Variants in HS2ST1 observed in about 807,000 individuals in gnomAD.
HS2ST1 encodes heparan sulfate 2-O-sulfotransferase 1.
A neutral mutation model predicts 42.9 loss-of-function variants in HS2ST1; 18 were observed. The ratio of observed to expected loss-of-function variants is 0.42; its 90% CI spans 0.29 to 0.62. The LOEUF (loss-of-function observed/expected upper bound fraction) is 0.62. Among genes scored for constraint, HS2ST1 ranks in the 20% least tolerant of loss-of-function variants. HS2ST1 has a pLI of 0.21. For synonymous variants in HS2ST1, 146 were observed against 152.9 expected, an observed-to-expected ratio of 0.95 and a Z score of 0.33; for missense variants, 334 against 433.8, an observed-to-expected ratio of 0.77 and a Z score of 2.04.
Position 86,964,602 on chromosome 1 carries a change from C to T in HS2ST1, c.124+49442C>T, listed in dbSNP as rs1181179988. 5.9e-5 allele frequency among the ~76,000 whole-genome samples: 9 copies of T among 152,324 alleles called. No individual in the cohort carries two copies. The East Asian group carries it at 1.4e-3, about 23-fold the overall frequency. ...AGATGGCAGCAGTACAGTCCAGCTT[C>T]GGCTCGGCATCAGAGGGAGACCTTG... On this transcript the variant is annotated intron_variant, in intron 1 of 6. Coordinates refer to ENST00000370550, the MANE Select transcript of HS2ST1 (RefSeq NM_012262.4).
In HS2ST1 at chr1:87,071,899, T is replaced by C. The variant is rs141411939; in HGVS notation, c.125-1035T>C. The stretch of plus-strand genomic sequence containing the variant: ...GTTAAGAGAGTACGTGCTATATGTG[T>C]AACTATCCCCGTGCAAAGTATTTGC... On this transcript the variant is annotated intron_variant, in intron 1 of 6. Coordinates refer to ENST00000370550, the MANE Select transcript of HS2ST1 (RefSeq NM_012262.4). Among the ~76,000 whole-genome samples the C allele has an allele frequency of 2.9e-3, 436 of 152,254 alleles. 1 individual carries two copies. Among genetic ancestry groups the C allele is most frequent in the African/African-American group, 9.9e-3 (411 of 41,536 alleles).
At chr1:87,087,737 GTAGATACTT>G (rs552562939) in intron 3 of HS2ST1, among the ~76,000 whole-genome samples, 2 of 152,068 alleles carry the variant, frequency 1.3e-5, no homozygotes, top group Non-Finnish European at 2.9e-5. Flanking sequence ...TCACAACATT[GTAGATACTT>G]TAGAAAATTA....
intron 1 of HS2ST1, among the ~76,000 whole-genome samples, chr1:86,934,229 G>C (rs1660598718): frequency 6.6e-6 from 1 of 152,200 alleles, no homozygotes; most frequent in African/African-American, 2.4e-5. Flanking sequence ...GGAGGCTACT[G>C]TAGTTTCTTT....
intron 1 of HS2ST1, among the ~76,000 whole-genome samples, chr1:87,031,979 C>T (rs1177830061): frequency 3.9e-5 from 6 of 152,122 alleles, no homozygotes. Flanking sequence ...GTGCACCATT[C>T]TTTCTTTATT....
intron 1 of HS2ST1, among the ~76,000 whole-genome samples, chr1:86,986,373 C>A (rs1203385755): frequency 6.6e-6 from 1 of 152,050 alleles, no homozygotes; most frequent in Non-Finnish European, 1.5e-5. Flanking sequence ...GAAAATTGTT[C>A]TATCGAAACG....
At chr1:86,937,011 A>C (rs997418485) in intron 1 of HS2ST1, among the ~76,000 whole-genome samples, 1 of 151,772 alleles carries the variant, frequency 6.6e-6, no homozygotes, top group African/African-American at 2.4e-5. Context: ...AGGCTGAGGC[A>C]GGACAATCGC....
intron 1 of HS2ST1, among the ~76,000 whole-genome samples, chr1:86,991,943 G>A (rs548509344): frequency 5.3e-5 from 8 of 152,256 alleles, no homozygotes; most frequent in African/African-American, 1.7e-4. Flanking sequence ...CCAGCGCCAC[G>A]GACTGGTACT....
At chr1:86,953,314 T>G in intron 1 of HS2ST1, among the ~76,000 whole-genome samples, 1 of 152,240 alleles carries the variant, frequency 6.6e-6, no homozygotes, top group East Asian at 1.9e-4. Flanking sequence ...ATTTCAGCGA[T>G]AAGGCAGTTT....
At chr1:86,990,633 T>C (rs1411905327) in intron 1 of HS2ST1, among the ~76,000 whole-genome samples, 1 of 151,280 alleles carries the variant, frequency 6.6e-6, no homozygotes, top group Admixed American at 6.6e-5. Context: ...CAGATAATTA[T>C]TGGATCCTGT....
intron 1 of HS2ST1, among the ~76,000 whole-genome samples, chr1:86,938,674 A>AT (rs1214863495): frequency 1.2e-4 from 18 of 152,210 alleles, no homozygotes; most frequent in Non-Finnish European, 1.8e-4. Flanking sequence ...GTGTTCAGAG[A>AT]TTTTTTCTGT....
intron 1 of HS2ST1, chr1:87,044,849 G>C: frequency 2.3e-6 from 2 of 861,740 alleles, no homozygotes; most frequent in Non-Finnish European, 3.5e-6. Context: ...TTTCCCCTTT[G>C]GAACAAAGGA....
rs1223160810 is a variant in HS2ST1 at position 87,044,835 on chromosome 1, A to AT, written c.125-28093dup. On this transcript the variant is annotated intron_variant, in intron 1 of 6. Transcript: ENST00000370550. ...AATCATTTTCAAGTCACTGGTGTCC[A>AT]TTTTTTCCCCTTTGGAACAAAGGAC... 4 of 747,696 alleles carry AT rather than the reference A, an allele frequency of 5.3e-6. No homozygotes were observed. In the East Asian group the frequency reaches 8.5e-5, roughly 16 times the overall value. 46.3% of individuals were successfully genotyped at this position (747,696 alleles called of 1,614,324 possible).
At chr1:87,052,362 A>G (rs1286465740) in intron 1 of HS2ST1, among the ~76,000 whole-genome samples, 1 of 152,220 alleles carries the variant, frequency 6.6e-6, no homozygotes, top group Non-Finnish European at 1.5e-5. Context: ...TTGTAGTTTA[A>G]TCAGAATTTC....
At chr1:87,099,408 A>G (rs1652147872) in intron 5 of HS2ST1, among the ~76,000 whole-genome samples, 1 of 152,184 alleles carries the variant, frequency 6.6e-6, no homozygotes, top group African/African-American at 2.4e-5. Flanking sequence ...GGGTGGGGGT[A>G]TGGTTCCCAG....
intron 1 of HS2ST1, chr1:87,046,482 C>A: frequency 8.7e-7 from 1 of 1,155,156 alleles, no homozygotes; most frequent in Non-Finnish European, 1.3e-6. Flanking sequence ...AAGGAATGGG[C>A]TAAATCAACT....
chr1:87,029,533 G>A (rs753385428), intron 1 of HS2ST1, among the ~76,000 whole-genome samples: 125 of 152,150 alleles, frequency 8.2e-4, no homozygotes, highest in Non-Finnish European at 1.2e-3. Context: ...AGACAAAATT[G>A]TACAAAATAT....
chr1:87,011,812 G>T (rs1649604685), intron 1 of HS2ST1, among the ~76,000 whole-genome samples: 1 of 152,122 alleles, frequency 6.6e-6, no homozygotes, highest in South Asian at 2.1e-4. Context: ...GACAGATTTA[G>T]GTCTAAGATA....
At chr1:86,983,726 G>A (rs1156239472) in intron 1 of HS2ST1, among the ~76,000 whole-genome samples, 3 of 150,142 alleles carry the variant, frequency 2.0e-5, no homozygotes, top group African/African-American at 5.0e-5. Context: ...GAGAGGGGAC[G>A]GGGTGCTTAT....
At chr1:86,941,159 A>T (rs892054575) in intron 1 of HS2ST1, among the ~76,000 whole-genome samples, 5 of 152,152 alleles carry the variant, frequency 3.3e-5, no homozygotes, top group Non-Finnish European at 7.3e-5. Flanking sequence ...TGGCAAAATT[A>T]TGTCATTGGT....
Sources: allele counts gnomAD v4.1 joint callset (sites outside exome capture counted in the v4.1 genomes callset), GRCh38; gene constraint gnomAD v4.1.1; transcripts MANE v1.5; gene names NCBI Gene and HGNC (gene_info 2026-07-23, HGNC 2026-07-21).